KIAA1217: variants seen among roughly 807,000 people sequenced by gnomAD.
The protein encoded by KIAA1217 is sickle tail protein homolog.
Under a neutral mutation model 163.9 loss-of-function variants are expected in KIAA1217, and 88 were observed. The ratio of observed to expected loss-of-function variants is 0.54; its 90% confidence interval spans 0.45 to 0.64. The LOEUF (loss-of-function observed/expected upper bound fraction) is 0.64. Ranked by LOEUF, KIAA1217 falls within the 30% of genes least tolerant of loss-of-function variation. The pLI, the probability that KIAA1217 is intolerant of heterozygous loss-of-function variation, is 0.00. For missense variants in KIAA1217, 2,372 were observed against 2,475.0 expected (o/e 0.96, Z 0.88); for synonymous variants, 903 against 923.1 (o/e 0.98, Z 0.39).
At chr10:23,790,133 G>A (rs1316822815) in intron 1 of KIAA1217, among the ~76,000 whole-genome samples, 46 of 54,468 alleles carry the variant, frequency 8.4e-4, no homozygotes, top group Admixed American at 1.3e-3. Flanking sequence ...ATACACATAT[G>A]CATATACACA....
intron 6 of KIAA1217, among the ~76,000 whole-genome samples, chr10:24,477,953 A>G (rs2064222664): frequency 6.6e-6 from 1 of 152,240 alleles, no homozygotes; most frequent in Non-Finnish European, 1.5e-5. Flanking sequence ...ACAGGGTCGT[A>G]TAAAGAACCA....
In KIAA1217 at chr10:24,543,369, G is replaced by A. The variant is rs1180873836; in HGVS notation, c.4099G>A (p.Glu1367Lys). The A allele has an allele frequency of 1.9e-6, 3 of 1,614,072 alleles. No homozygotes were observed. The highest frequency in any genetic ancestry group is 1.3e-5 in the African/African-American group (1 of 74,926). The change falls in exon 19 of 21, where the codon GAA (glutamate) becomes AAA (lysine). Residue 1367 changes from glutamate to lysine, a missense_variant. Physicochemically the swap from Glu to Lys is moderately conservative, Grantham distance 56. This residue lies in a region of KIAA1217 where 251 missense variants were observed against 327.3 expected (regional missense o/e 0.77). Coordinates refer to ENST00000376454, the MANE Select transcript of KIAA1217 (RefSeq NM_019590.5). ...TAACGTGAACCCTAATGAGGATGGAGAATCAAGTTCAAGTTCTCCCACTGA... is the reference window on the plus strand; with the variant it reads ...TAACGTGAACCCTAATGAGGATGGAAAATCAAGTTCAAGTTCTCCCACTGA... ...HANVNPNEDG[E>K]SSSSSPTEEN... is the part of the protein sequence containing the mutation.
intron 2 of KIAA1217, among the ~76,000 whole-genome samples, chr10:24,325,900 C>A (rs2044815723): frequency 6.6e-6 from 1 of 152,130 alleles, no homozygotes; most frequent in South Asian, 2.1e-4. Flanking sequence ...ACTTCAATGA[C>A]TTTGTAAGAA....
intron 2 of KIAA1217, among the ~76,000 whole-genome samples, chr10:24,285,119 T>C (rs935358684): frequency 2.0e-5 from 3 of 152,266 alleles, no homozygotes; most frequent in Non-Finnish European, 4.4e-5. Flanking sequence ...TTCTTATAGA[T>C]ACTGGATATT....
At chr10:24,390,478 A>AAGGT (rs1564597673) in intron 3 of KIAA1217, among the ~76,000 whole-genome samples, 2 of 99,742 alleles carry the variant, frequency 2.0e-5, no homozygotes, top group South Asian at 4.2e-4. Context: ...GGAGGGAGGG[A>AAGGT]AGGAAGGAAG....
intron 1 of KIAA1217, among the ~76,000 whole-genome samples, chr10:23,842,343 CAAT>C (rs2131070742): frequency 6.6e-6 from 1 of 152,220 alleles, no homozygotes; most frequent in East Asian, 1.9e-4. Context: ...CCAGAAACAA[CAAT>C]AATTGGCTGA....
chr10:23,968,160 A>G (rs973062936), intron 1 of KIAA1217, among the ~76,000 whole-genome samples: 5 of 152,110 alleles, frequency 3.3e-5, no homozygotes, highest in Admixed American at 2.6e-4. Flanking sequence ...GTGTGTGTGT[A>G]TATTTATAAA....
intron 1 of KIAA1217, among the ~76,000 whole-genome samples, chr10:23,712,209 C>T (rs1265168723): frequency 6.6e-6 from 1 of 152,096 alleles, no homozygotes; most frequent in South Asian, 2.1e-4. Context: ...GTTTGCTTCT[C>T]TGCAGTTTGA....
intron 1 of KIAA1217, among the ~76,000 whole-genome samples, chr10:23,796,279 G>A (rs534791262): frequency 5.9e-5 from 9 of 152,168 alleles, no homozygotes; most frequent in South Asian, 4.1e-4. Flanking sequence ...CTCTGTAAAC[G>A]TCAGTTTCCC....
At chr10:23,869,596 C>A (rs981026711) in intron 1 of KIAA1217, among the ~76,000 whole-genome samples, 1 of 152,048 alleles carries the variant, frequency 6.6e-6, no homozygotes, top group East Asian at 1.9e-4. Context: ...AAAGTCCTGA[C>A]GTTTGCAAAC....
chr10:23,960,865 T>G (rs1239180972), intron 1 of KIAA1217, among the ~76,000 whole-genome samples: 1 of 152,236 alleles, frequency 6.6e-6, no homozygotes. Flanking sequence ...TATGAACTAC[T>G]GTATCTAAGG....
intron 1 of KIAA1217, 101 bp from the exon 2 acceptor site, chr10:24,219,525 C>T (rs897494430): frequency 1.1e-6 from 1 of 888,406 alleles, no homozygotes; most frequent in Non-Finnish European, 1.6e-6. Flanking sequence ...GCGAAGTTAA[C>T]ATTCATACAT....
chr10:24,353,024 C>T (rs916944013), intron 2 of KIAA1217, among the ~76,000 whole-genome samples: 1 of 152,036 alleles, frequency 6.6e-6, no homozygotes, highest in Admixed American at 6.6e-5. Context: ...AATGACCCCA[C>T]ATCCCTCTAC....
In KIAA1217 at chr10:23,920,302, G is replaced by A. The variant is rs75300932; in HGVS notation, c.-320-86923G>A. Reference sequence around the variant, plus strand: ...AGATCCAGCTTCAGAGGTAGACATCGGACACTTTTGCTTTAGTCTCTGGTC... The same window carrying A: ...AGATCCAGCTTCAGAGGTAGACATCAGACACTTTTGCTTTAGTCTCTGGTC... On this transcript the variant is annotated intron_variant, in intron 1 of 18. Transcript: ENST00000376462. Among the ~76,000 whole-genome samples the A allele has an allele frequency of 2.7e-3, 412 of 152,236 alleles. 1 individual carries two copies. The highest frequency in any genetic ancestry group is 9.5e-3 in the African/African-American group (394 of 41,542).
intron 3 of KIAA1217, among the ~76,000 whole-genome samples, chr10:24,408,521 C>T (rs923824283): frequency 6.6e-6 from 1 of 152,092 alleles, no homozygotes; most frequent in Non-Finnish European, 1.5e-5. Context: ...ACTGCGTGGC[C>T]CATCATTTCA....
chr10:24,509,103 C>T (rs544825884), intron 9 of KIAA1217, among the ~76,000 whole-genome samples: 1 of 152,286 alleles, frequency 6.6e-6, no homozygotes, highest in Admixed American at 6.5e-5. Context: ...ACCTCTTAAG[C>T]AAAAACCAAC....
intron 1 of KIAA1217, among the ~76,000 whole-genome samples, chr10:23,872,297 T>C (rs1840491487): frequency 1.4e-5 from 2 of 148,142 alleles, no homozygotes; most frequent in Admixed American, 6.8e-5. Context: ...CAATAGATTT[T>C]AAAAGACTTA....
intron 5 of KIAA1217, among the ~76,000 whole-genome samples, chr10:24,447,398 C>T (rs1259210632): frequency 6.6e-6 from 1 of 152,114 alleles, no homozygotes; most frequent in Non-Finnish European, 1.5e-5. Context: ...CCTCCCACCC[C>T]ACAACAGGCC....
intron 1 of KIAA1217, among the ~76,000 whole-genome samples, chr10:23,752,819 ACCAAAGTGAATGGGTATTAC>A (rs1264324331): frequency 6.6e-6 from 1 of 152,176 alleles, no homozygotes; most frequent in Non-Finnish European, 1.5e-5. Flanking sequence ...TCCATCAGAA[ACCAAAGTGAATGGGTATTAC>A]CCAACAACTT....
Sources: allele counts gnomAD v4.1 joint callset (sites outside exome capture counted in the v4.1 genomes callset), GRCh38; gene constraint gnomAD v4.1.1; regional missense constraint gnomAD v4.1.1; transcripts MANE v1.5; gene names NCBI Gene and HGNC (gene_info 2026-07-23, HGNC 2026-07-21).